The following TRAPPC9 variants were observed in gnomAD, a reference collection of about 807,000 sequenced individuals.
TRAPPC9 encodes trafficking protein particle complex subunit 9.
TRAPPC9 carries 83 observed loss-of-function variants against 124.0 expected under a neutral mutation model. That is an observed-to-expected ratio of 0.67 (90% CI 0.56 to 0.80). The LOEUF (loss-of-function observed/expected upper bound fraction) is 0.80, where lower values mean the gene tolerates loss of function less well. Among genes scored for constraint, TRAPPC9 ranks in the 30% least tolerant of loss-of-function variants. TRAPPC9 has a pLI of 0.00. For synonymous variants in TRAPPC9, 638 were observed against 617.5 expected, an observed-to-expected ratio of 1.03 and a Z score of -0.49; for missense variants, 1,302 against 1,508.3, an observed-to-expected ratio of 0.86 and a Z score of 2.27.
intron 20 of TRAPPC9, among the ~76,000 whole-genome samples, chr8:139,887,112 C>T (rs550689667): frequency 4.0e-4 from 61 of 152,186 alleles, no homozygotes; most frequent in African/African-American, 1.3e-3. Flanking sequence ...CAAGAGAGCC[C>T]GCCGGTCACA....
intron 21 of TRAPPC9, among the ~76,000 whole-genome samples, chr8:139,805,628 G>A (rs77265430): frequency 0.024 from 3,660 of 152,214 alleles, 149 homozygotes; most frequent in East Asian, 0.12. Flanking sequence ...TTTCTGAGTA[G>A]TATATATTTT....
intron 7 of TRAPPC9, among the ~76,000 whole-genome samples, chr8:140,379,373 G>A (rs554179211): frequency 6.6e-6 from 1 of 152,284 alleles, no homozygotes; most frequent in Admixed American, 6.5e-5. Flanking sequence ...GGGTGTAGCT[G>A]TGGTCTCCTG....
chr8:140,145,483 G>A (rs140061523), intron 17 of TRAPPC9, among the ~76,000 whole-genome samples: 6 of 152,182 alleles, frequency 3.9e-5, no homozygotes, highest in African/African-American at 1.4e-4. Flanking sequence ...TAAAAGAGCT[G>A]TTATTATAAA....
chr8:140,405,363 C>T, intron 6 of TRAPPC9: 3 of 489,698 alleles, frequency 6.1e-6, no homozygotes, highest in South Asian at 2.6e-5. Context: ...AGCCTTTTTT[C>T]TCTCTTTTCC....
In TRAPPC9 at chr8:139,964,204, G is replaced by A. The variant is rs113279917; in HGVS notation, c.2810+24522C>T. On this transcript the variant is annotated intron_variant, in intron 19 of 22. Coordinates refer to ENST00000438773, the MANE Select transcript of TRAPPC9 (RefSeq NM_001160372.4). ...GCGCCACCTGTACTCCAGCCTGGGC[G>A]ACAGAGCAAGACTCTGTCTCAAAAA... Among the ~76,000 whole-genome samples, 1,041 of 122,696 alleles carry A rather than the reference G, an allele frequency of 8.5e-3. 19 individuals are homozygous for A. The highest frequency in any genetic ancestry group is 0.032 in the African/African-American group (991 of 31,100). 80.5% of individuals were successfully genotyped at this position (122,696 alleles called of 152,430 possible). A position where few individuals can be genotyped will look rare whatever the true frequency, so the allele number is the denominator to read the frequency against.
chr8:140,443,441 A>G (rs2071120224), intron 2 of TRAPPC9, among the ~76,000 whole-genome samples: 1 of 152,018 alleles, frequency 6.6e-6, no homozygotes, highest in Admixed American at 6.6e-5. Flanking sequence ...ATCTCAAAAA[A>G]AAAAAAAGAA....
chr8:139,808,524 T>G (rs1824219999), intron 21 of TRAPPC9, among the ~76,000 whole-genome samples: 2 of 152,166 alleles, frequency 1.3e-5, no homozygotes, highest in African/African-American at 4.8e-5. Context: ...ATTATTACAT[T>G]TCAGAATATT....
intron 16 of TRAPPC9, among the ~76,000 whole-genome samples, chr8:140,229,637 C>T (rs542022667): frequency 3.3e-5 from 5 of 152,036 alleles, no homozygotes; most frequent in South Asian, 2.1e-4. Context: ...GGCGCGATCT[C>T]GGCTCACTGC....
rs12334515 is a variant in TRAPPC9 at position 140,253,239 on chromosome 8, C to A, written c.2279-310G>T. Among the ~76,000 whole-genome samples, 61,198 of 151,904 alleles carry A rather than the reference C, an allele frequency of 0.4. 12,710 individuals are homozygous for A. Among genetic ancestry groups the A allele is most frequent in the East Asian group, 0.73 (3,776 of 5,166 alleles). ...TTGACCAAATAAATGCCGTTTTGCT[C>A]TTATAAACTAAATCAGAGTTAAACT... On this transcript the variant is annotated intron_variant, in intron 15 of 22. Transcript: ENST00000438773.
At chr8:139,848,386 A>C (rs1827235714) in intron 21 of TRAPPC9, among the ~76,000 whole-genome samples, 1 of 152,210 alleles carries the variant, frequency 6.6e-6, no homozygotes, top group Non-Finnish European at 1.5e-5. Flanking sequence ...ATGCACACAG[A>C]TATCCAGTCT....
chr8:140,193,485 T>C (rs1202934436), intron 17 of TRAPPC9, among the ~76,000 whole-genome samples: 6 of 152,102 alleles, frequency 3.9e-5, no homozygotes, highest in Non-Finnish European at 8.8e-5. Context: ...AAAGTTGAGC[T>C]GAAAACATAT....
intron 17 of TRAPPC9, among the ~76,000 whole-genome samples, chr8:140,057,387 C>T (rs1842351817): frequency 6.6e-6 from 1 of 152,238 alleles, no homozygotes; most frequent in Non-Finnish European, 1.5e-5. Flanking sequence ...ATGTACACTT[C>T]CACATTTACT....
chr8:140,207,833 C>T (rs2062963078), intron 17 of TRAPPC9, among the ~76,000 whole-genome samples: 1 of 152,192 alleles, frequency 6.6e-6, no homozygotes, highest in South Asian at 2.1e-4. Flanking sequence ...ATGTCAATGC[C>T]TAGATTATTT....
intron 19 of TRAPPC9, among the ~76,000 whole-genome samples, chr8:139,957,327 G>A (rs538837452): frequency 6.6e-6 from 1 of 152,324 alleles, no homozygotes; most frequent in Admixed American, 6.5e-5. Flanking sequence ...CGCTAGGGTG[G>A]GCGGCACCTA....
At chr8:139,959,646 C>A (rs1047287723) in intron 19 of TRAPPC9, among the ~76,000 whole-genome samples, 1 of 152,176 alleles carries the variant, frequency 6.6e-6, no homozygotes, top group African/African-American at 2.4e-5. Flanking sequence ...GGAAGCAGAA[C>A]AAAAGACAGA....
intron 18 of TRAPPC9, among the ~76,000 whole-genome samples, chr8:139,998,870 C>T (rs145626876): frequency 3.0e-4 from 46 of 152,068 alleles, no homozygotes; most frequent in African/African-American, 6.5e-4. Context: ...AAGATAAAAG[C>T]GCCTATATTT....
chr8:139,782,597 G>A (rs1377601156), intron 21 of TRAPPC9, among the ~76,000 whole-genome samples: 3 of 152,180 alleles, frequency 2.0e-5, no homozygotes, highest in African/African-American at 7.2e-5. Flanking sequence ...ATTGGTAACA[G>A]ACAAATCTGC....
At chr8:140,314,673 C>G (rs2066398069) in intron 9 of TRAPPC9, among the ~76,000 whole-genome samples, 1 of 152,230 alleles carries the variant, frequency 6.6e-6, no homozygotes, top group African/African-American at 2.4e-5. Flanking sequence ...AAATTTCACA[C>G]CTGAGGAAGA....
At chr8:140,446,165 A>G (rs6987619) in intron 2 of TRAPPC9, among the ~76,000 whole-genome samples, 12,920 of 152,084 alleles carry the variant, frequency 0.085, 605 homozygotes, top group African/African-American at 0.11. Flanking sequence ...GTGGTGGCAC[A>G]TGCCTGTAAT....
Sources: gnomAD v4.1 joint callset for allele counts (sites outside exome capture counted in the v4.1 genomes callset) on GRCh38, gnomAD v4.1.1 for gene constraint, MANE v1.5 for transcripts, NCBI Gene and HGNC (gene_info 2026-07-23, HGNC 2026-07-21) for gene names.